The following MFSD6 variants were observed in gnomAD, a reference collection of about 807,000 sequenced individuals.
MFSD6 encodes the protein major facilitator superfamily domain containing 6, also known as major facilitator superfamily domain-containing protein 6.
MFSD6 carries 26 observed loss-of-function variants against 56.3 expected under a neutral mutation model. The observed-to-expected ratio is 0.46, with a 90% CI of 0.34 to 0.64. The LOEUF (loss-of-function observed/expected upper bound fraction) is 0.64, where lower values mean the gene tolerates loss of function less well. Among genes scored for constraint, MFSD6 ranks in the 30% least tolerant of loss-of-function variants. MFSD6 has a pLI of 0.01. For synonymous variants in MFSD6, 331 were observed against 366.9 expected, an observed-to-expected ratio of 0.90 and a Z score of 1.12; for missense variants, 750 against 986.2, an observed-to-expected ratio of 0.76 and a Z score of 3.21.
rs903233828 is a variant in MFSD6 at position 190,434,354 on chromosome 2, A to T, written c.-53-1623A>T. Among the ~76,000 whole-genome samples, 1 of 152,210 alleles carries T rather than the reference A, an allele frequency of 6.6e-6. No individual in the cohort carries two copies. The highest frequency in any genetic ancestry group is 1.5e-5 in the Non-Finnish European group (1 of 68,020). Reference sequence around the variant, plus strand: ...TTTAATAGAAGAAAGGGAAATTCTGATGGGATGCTGGCACAGTTCCTATAA... The same window carrying T: ...TTTAATAGAAGAAAGGGAAATTCTGTTGGGATGCTGGCACAGTTCCTATAA... On this transcript the variant is annotated intron_variant, in intron 2 of 7. Transcript: ENST00000392328. The surrounding 1 kb of genome is among the most constrained non-coding windows in gnomAD (Gnocchi z 4.3).
At position 190,479,229 on chromosome 2, in the gene MFSD6, T is replaced by G. The variant is rs560861013; in HGVS notation, c.1630+9374T>G. On this transcript the variant is annotated intron_variant, in intron 4 of 7. Transcript: ENST00000392328. ...TTGTGAGGTTATTTCTTTCCCATGA[T>G]CTTTCTCATGTTCAGTAAGTATTCT... Among the ~76,000 whole-genome samples, 15 of 152,360 alleles carry G rather than the reference T, an allele frequency of 9.8e-5. No homozygotes were observed. The East Asian group carries it at 2.1e-3, about 22-fold the overall frequency.
intron 4 of MFSD6, among the ~76,000 whole-genome samples, chr2:190,482,901 T>TC (rs1688769036): frequency 8.7e-6 from 1 of 114,952 alleles, no homozygotes; most frequent in Non-Finnish European, 1.8e-5. Context: ...TTTTTTTTTT[T>TC]TTAGACGGAG....
rs570547517 is a variant in MFSD6 at position 190,415,518 on chromosome 2, C to T, written c.-54+105C>T. On this transcript the variant is annotated intron_variant, in intron 2 of 7. Transcript: ENST00000392328. The surrounding 1 kb of genome is among the most constrained non-coding windows in gnomAD (Gnocchi z 4.5). Reference sequence around the variant, plus strand: ...CTCCTGGCTTCAAGTGATCCTCCCGCCTCTGTCTCCCAAAGTGCTGGGATT... The same window carrying T: ...CTCCTGGCTTCAAGTGATCCTCCCGTCTCTGTCTCCCAAAGTGCTGGGATT... The T allele has an allele frequency of 6.6e-6, 1 of 152,248 alleles. No homozygotes were observed. Among genetic ancestry groups the T allele is most frequent in the Admixed American group, 6.5e-5 (1 of 15,296 alleles). 9.4% of individuals were successfully genotyped at this position (152,248 alleles called of 1,614,324 possible).
rs1039297042 is a variant in MFSD6, at chr2:190,436,195, T to C, written c.166T>C (p.Trp56Arg). 2 of 1,614,198 alleles carry C rather than the reference T, an allele frequency of 1.2e-6. No homozygotes were observed. The highest frequency in any genetic ancestry group is 1.7e-6 in the Non-Finnish European group (2 of 1,179,990). ...TGCTATTCCTGAGGAGGAAATAGAC[T>C]GGATAGAGAAACATTGTGTTAAGAT... ...TSAIPEEEID[W>R]IEKHCVKINN... Residue 56 changes from tryptophan to arginine, a missense_variant, in exon 3 of 8, where the codon TGG becomes CGG. By Grantham distance (101) the Trp-to-Arg change is moderately radical (BLOSUM62 -3). Transcript: ENST00000392328. The surrounding 1 kb of genome is among the most constrained non-coding windows in gnomAD (Gnocchi z 5.3).
rs1686172350 is a variant in MFSD6 at position 190,436,212 on chromosome 2, T to C, written c.183T>C (p.Cys61=). ...EEEIDWIEKH[C]VKINNDLLIS... ...AAATAGACTGGATAGAGAAACATTG[T>C]GTTAAGATAAACAACGATCTTCTAA... The change falls in exon 3 of 8, where the codon TGT becomes TGC. Residue 61 remains cysteine (C), a synonymous_variant. Coordinates refer to ENST00000392328, the MANE Select transcript of MFSD6 (RefSeq NM_017694.4). This position sits in a 1 kb window ranked among gnomAD's most constrained non-coding sequence, Gnocchi z 5.3. 6.2e-7 allele frequency: 1 copy of C among 1,614,100 alleles called. No individual in the cohort carries two copies. Among genetic ancestry groups the C allele is most frequent in the African/African-American group, 1.3e-5 (1 of 74,952 alleles).
chr2:190,433,351 T>C lies in MFSD6; in HGVS notation c.-53-2626T>C, dbSNP rs1448626840. The C allele has an allele frequency of 6.6e-6, 1 of 152,186 alleles. No homozygotes were observed. Among genetic ancestry groups the C allele is most frequent in the African/African-American group, 2.4e-5 (1 of 41,434 alleles). 9.4% of individuals were successfully genotyped at this position (152,186 alleles called of 1,614,324 possible). A position where few individuals can be genotyped will look rare whatever the true frequency, so the allele number is the denominator to read the frequency against. On this transcript the variant is annotated intron_variant, in intron 2 of 7. Coordinates refer to ENST00000392328, the MANE Select transcript of MFSD6 (RefSeq NM_017694.4). This position sits in a 1 kb window ranked among gnomAD's most constrained non-coding sequence, Gnocchi z 4.5. ...GATGATGAAATGGAATTGGAGCCGC[T>C]GAGCTGGATAGGTGAAGGCACTAAT...
Position 190,437,538 on chromosome 2 carries a change from TATTGA to T in MFSD6, c.1515_1519del (p.Glu505AspfsTer59). On this transcript the variant is annotated frameshift_variant, in exon 3 of 8. Transcript: ENST00000392328. LOFTEE classifies it high-confidence loss of function. The surrounding 1 kb of genome is among the most constrained non-coding windows in gnomAD (Gnocchi z 5.9). Reference sequence around the variant, plus strand: ...CAGCATATTTTTTTAGTCACAAGCTTATTGAATTGATCGGCCACATCAGGTAAGAA... The same window carrying T: ...CAGCATATTTTTTTAGTCACAAGCTTATTGATCGGCCACATCAGGTAAGAA... The T allele has an allele frequency of 6.2e-7, 1 of 1,613,736 alleles. No individual in the cohort carries two copies. The highest frequency in any genetic ancestry group is 8.5e-7 in the Non-Finnish European group (1 of 1,179,680).
chr2:190,493,653 T>C (rs375456641), intron 6 of MFSD6, among the ~76,000 whole-genome samples: 8 of 152,088 alleles, frequency 5.3e-5, no homozygotes, highest in East Asian at 1.9e-4. Context: ...TTTAAGAAAA[T>C]TGAAATTATA....
Position 190,471,866 on chromosome 2 carries a change from C to T in MFSD6, c.1630+2011C>T, listed in dbSNP as rs1041710343. 1.4e-4 allele frequency among the ~76,000 whole-genome samples: 22 copies of T among 152,292 alleles called. No individual in the cohort carries two copies. Among genetic ancestry groups the T allele is most frequent in the South Asian group, 8.3e-4 (4 of 4,830 alleles). ...AGTAGGGGCAGACTGATAACTCATACGGCCGGGTACCCCTCTGAGACAAAA... is the reference window on the plus strand; with the variant it reads ...AGTAGGGGCAGACTGATAACTCATATGGCCGGGTACCCCTCTGAGACAAAA... On this transcript the variant is annotated intron_variant, in intron 4 of 7. Coordinates refer to ENST00000392328, the MANE Select transcript of MFSD6 (RefSeq NM_017694.4). This position sits in a 1 kb window ranked among gnomAD's most constrained non-coding sequence, Gnocchi z 4.7.
chr2:190,436,004 A>G lies in MFSD6; in HGVS notation c.-26A>G, dbSNP rs780104816. The stretch of plus-strand genomic sequence containing the variant: ...CAACAGTACAAATTCTGAAGTTTGT[A>G]AACTTGCTGATGGTGGTGGTAAGCC... On this transcript the variant is annotated 5_prime_UTR_variant, in exon 3 of 8. Transcript: ENST00000392328. This position sits in a 1 kb window ranked among gnomAD's most constrained non-coding sequence, Gnocchi z 5.3. The G allele has an allele frequency of 1.5e-5, 24 of 1,580,150 alleles. No individual in the cohort carries two copies. The highest frequency in any genetic ancestry group is 1.9e-5 in the Admixed American group (1 of 53,624).
chr2:190,432,084 A>C (rs928291144), intron 2 of MFSD6, among the ~76,000 whole-genome samples: 1 of 152,188 alleles, frequency 6.6e-6, no homozygotes, highest in Admixed American at 6.5e-5. Flanking sequence ...AATCCTTGGT[A>C]ATTACTCATA....
chr2:190,472,264 AG>A (rs1202154176), intron 4 of MFSD6, among the ~76,000 whole-genome samples: 3 of 152,256 alleles, frequency 2.0e-5, no homozygotes, highest in Non-Finnish European at 4.4e-5. Flanking sequence ...AGTTGAGAGA[AG>A]GCTTCAGACG....
chr2:190,497,399 A>T lies in MFSD6; in HGVS notation c.1892-40A>T. ...TTTTACCTTTGTTCAAATATGTAGAAAATGCTGAAAAAATAGTTTAAACAT... is the reference window on the plus strand; with the variant it reads ...TTTTACCTTTGTTCAAATATGTAGATAATGCTGAAAAAATAGTTTAAACAT... On this transcript the variant is annotated intron_variant, in intron 6 of 7. Coordinates refer to ENST00000392328, the MANE Select transcript of MFSD6 (RefSeq NM_017694.4). The surrounding 1 kb of genome is among the most constrained non-coding windows in gnomAD (Gnocchi z 5.2). 1 of 1,595,024 alleles carries T rather than the reference A, an allele frequency of 6.3e-7. No homozygotes were observed. The highest frequency in any genetic ancestry group is 8.6e-7 in the Non-Finnish European group (1 of 1,169,544).
rs1239562363 is a variant in MFSD6, at chr2:190,437,334, T to C, written c.1305T>C (p.Phe435=). Residue 435 remains phenylalanine, a synonymous_variant, in exon 3 of 8, where the codon TTT becomes TTC. Coordinates refer to ENST00000392328, the MANE Select transcript of MFSD6 (RefSeq NM_017694.4). This position sits in a 1 kb window ranked among gnomAD's most constrained non-coding sequence, Gnocchi z 5.9. ...TTTSHSQAFN[F]WDLIKLLCSV... ...CAAGCCACTCGCAGGCCTTCAACTT[T>C]TGGGACTTAATCAAGCTGCTCTGCA... The C allele has an allele frequency of 6.2e-7, 1 of 1,614,234 alleles. No homozygotes were observed.
chr2:190,449,834 G>A (rs919984473), intron 3 of MFSD6, among the ~76,000 whole-genome samples: 34 of 151,818 alleles, frequency 2.2e-4, no homozygotes, highest in East Asian at 1.2e-3. Context: ...TGGACACAGG[G>A]AGGGGAACAT....
At chr2:190,478,947 G>A (rs949168681) in intron 4 of MFSD6, among the ~76,000 whole-genome samples, 3 of 152,132 alleles carry the variant, frequency 2.0e-5, no homozygotes, top group Non-Finnish European at 2.9e-5. Flanking sequence ...CTGAAAGGGA[G>A]GAGACAAAAG....
intron 3 of MFSD6, among the ~76,000 whole-genome samples, chr2:190,452,579 T>C (rs766633392): frequency 6.6e-6 from 1 of 152,196 alleles, no homozygotes; most frequent in Non-Finnish European, 1.5e-5. Context: ...TGCTACCTTA[T>C]AGCTTCATAG....
At chr2:190,409,336 A>C (rs1183963844) in intron 1 of MFSD6, among the ~76,000 whole-genome samples, 1 of 152,158 alleles carries the variant, frequency 6.6e-6, no homozygotes, top group East Asian at 1.9e-4. Flanking sequence ...ACCTTTATGC[A>C]TTCGCAACCA....
chr2:190,448,667 T>C (rs778454800), intron 3 of MFSD6, among the ~76,000 whole-genome samples: 4 of 152,224 alleles, frequency 2.6e-5, no homozygotes, highest in Non-Finnish European at 5.9e-5. Flanking sequence ...TTTAAATTTG[T>C]AGAGGAATAA....
Sources: allele counts gnomAD v4.1 joint callset (sites outside exome capture counted in the v4.1 genomes callset), GRCh38; gene constraint gnomAD v4.1.1; non-coding constraint Gnocchi (gnomAD v3.1); transcripts MANE v1.5; gene names NCBI Gene and HGNC (gene_info 2026-07-23, HGNC 2026-07-21).